Variants in ABCC4 observed in about 807,000 individuals in gnomAD.
ABCC4 encodes the protein ATP binding cassette subfamily C member 4 (PEL blood group).
A neutral mutation model predicts 168.5 loss-of-function variants in ABCC4; 102 were observed. The observed-to-expected ratio is 0.61, with a 90% confidence interval of 0.52 to 0.71. ABCC4 has a LOEUF of 0.71. Ranked by LOEUF, ABCC4 falls within the 30% of genes least tolerant of loss-of-function variation. The pLI, the probability that ABCC4 is intolerant of heterozygous loss-of-function variation, is 0.00. For synonymous variants in ABCC4, 617 were observed against 590.7 expected (o/e 1.04, Z -0.65); for missense variants, 1,402 against 1,605.8 (o/e 0.87, Z 2.17).
At chr13:95,299,099 A>T (rs867778057) in intron 1 of ABCC4, among the ~76,000 whole-genome samples, 34 of 151,218 alleles carry the variant, frequency 2.2e-4, no homozygotes, top group South Asian at 4.2e-4. Context: ...TACAAAAAAA[A>T]TTTTTTTTTA....
chr13:95,104,800 C>T (rs1415531002), intron 20 of ABCC4, among the ~76,000 whole-genome samples: 2 of 152,160 alleles, frequency 1.3e-5, no homozygotes, highest in Non-Finnish European at 2.9e-5. Context: ...AGAGGCAGCC[C>T]AGTGGCAGGC....
intron 30 of ABCC4, among the ~76,000 whole-genome samples, chr13:95,024,199 A>T (rs933980037): frequency 1.6e-5 from 2 of 124,886 alleles, no homozygotes; most frequent in African/African-American, 3.1e-5. Context: ...AGAGTGAGAG[A>T]CTGTCTCAAA....
chr13:95,078,200 C>T (rs1172089613), intron 21 of ABCC4, among the ~76,000 whole-genome samples: 3 of 152,122 alleles, frequency 2.0e-5, no homozygotes, highest in African/African-American at 4.8e-5. Context: ...TCCCACGAGT[C>T]CACAGGGTTC....
chr13:95,249,409 G>A (rs79219734), intron 1 of ABCC4, among the ~76,000 whole-genome samples: 5,232 of 152,196 alleles, frequency 0.034, 127 homozygotes, highest in Middle Eastern at 0.088. Context: ...TTCCCATGGG[G>A]AACCCACTGC....
At chr13:95,136,863 T>C (rs1234721015) in intron 19 of ABCC4, among the ~76,000 whole-genome samples, 1 of 152,252 alleles carries the variant, frequency 6.6e-6, no homozygotes. Flanking sequence ...GGCTCGCCAC[T>C]GCCAGCATGT....
intron 25 of ABCC4, among the ~76,000 whole-genome samples, chr13:95,066,416 G>A (rs541056401): frequency 1.3e-5 from 2 of 152,158 alleles, no homozygotes; most frequent in Non-Finnish European, 2.9e-5. Context: ...GGCGACAGGT[G>A]CTGTGGGCAG....
At chr13:95,185,654 C>A (rs2038034612) in intron 11 of ABCC4, among the ~76,000 whole-genome samples, 1 of 150,840 alleles carries the variant, frequency 6.6e-6, no homozygotes, top group Admixed American at 6.6e-5. Flanking sequence ...TGGGGAGAGC[C>A]CTTTAATGCC....
chr13:95,064,484 C>G (rs1436172033), intron 25 of ABCC4, among the ~76,000 whole-genome samples: 1 of 133,400 alleles, frequency 7.5e-6, no homozygotes, highest in Non-Finnish European at 1.6e-5. Context: ...CTCTCACACA[C>G]ATACACACAC....
chr13:95,293,190 T>C (rs2041445337), intron 1 of ABCC4, among the ~76,000 whole-genome samples: 3 of 151,736 alleles, frequency 2.0e-5, no homozygotes, highest in Admixed American at 1.3e-4. Flanking sequence ...AAACCCTGTC[T>C]CTAACAACAA....
rs754776606 is a variant in ABCC4, at chr13:95,291,754, A to G, written c.74+9487T>C. 2.9e-4 allele frequency among the ~76,000 whole-genome samples: 44 copies of G among 152,096 alleles called. 1 individual carries two copies. The highest frequency in any genetic ancestry group is 1.6e-3 in the Admixed American group (25 of 15,258). ...AAATTGACATAAACTTCCTGACCACATTGGCCAACATGATGAAACTCCATC... is the reference window on the plus strand; with the variant it reads ...AAATTGACATAAACTTCCTGACCACGTTGGCCAACATGATGAAACTCCATC... On this transcript the variant is annotated intron_variant, in intron 1 of 30. Transcript: ENST00000645237.
intron 4 of ABCC4, among the ~76,000 whole-genome samples, chr13:95,217,840 T>C (rs1254871909): frequency 6.6e-6 from 1 of 151,998 alleles, no homozygotes; most frequent in Non-Finnish European, 1.5e-5. Flanking sequence ...TGACCCGGGG[T>C]GGACAGGGAT....
chr13:95,064,252 G>GTATATATATATATATA (rs763934713), intron 25 of ABCC4, among the ~76,000 whole-genome samples: 1 of 118,168 alleles, frequency 8.5e-6, no homozygotes, highest in Non-Finnish European at 1.8e-5. Context: ...CCGGGTGTGT[G>GTATATATATATATATA]TGTGTGTGTA....
At chr13:95,107,756 GTATCTACCAAA>G (rs1266738741) in intron 20 of ABCC4, among the ~76,000 whole-genome samples, 1 of 152,104 alleles carries the variant, frequency 6.6e-6, no homozygotes, top group Non-Finnish European at 1.5e-5. Context: ...GTGAAACCCT[GTATCTACCAAA>G]TATCTACCAA....
intron 30 of ABCC4, among the ~76,000 whole-genome samples, chr13:95,025,788 A>G (rs1452604452): frequency 3.3e-5 from 5 of 152,212 alleles, no homozygotes; most frequent in Non-Finnish European, 7.3e-5. Flanking sequence ...AATTCATTCA[A>G]AGAAAATGCA....
chr13:95,133,248 G>A (rs2036035904), intron 19 of ABCC4, among the ~76,000 whole-genome samples: 1 of 150,982 alleles, frequency 6.6e-6, no homozygotes, highest in African/African-American at 2.4e-5. Context: ...CGAGTAGCTG[G>A]GATTACAGGC....
At chr13:95,156,684 C>T (rs1281380497) in intron 19 of ABCC4, among the ~76,000 whole-genome samples, 1 of 152,104 alleles carries the variant, frequency 6.6e-6, no homozygotes, top group Admixed American at 6.5e-5. Context: ...CCGAGGGCAG[C>T]TGAAAATGTA....
chr13:95,186,482 A>G (rs776683922), intron 11 of ABCC4, among the ~76,000 whole-genome samples: 2 of 152,212 alleles, frequency 1.3e-5, no homozygotes, highest in African/African-American at 2.4e-5. Flanking sequence ...TCACAAAACC[A>G]ACCAAACCCC....
At chr13:95,090,647 T>C (rs2034402438) in intron 20 of ABCC4, among the ~76,000 whole-genome samples, 1 of 152,124 alleles carries the variant, frequency 6.6e-6, no homozygotes, top group African/African-American at 2.4e-5. Flanking sequence ...GCTCAAGACC[T>C]TCCCTCTGAC....
At chr13:95,034,074 G>A (rs1218870169) in intron 30 of ABCC4, among the ~76,000 whole-genome samples, 1 of 152,200 alleles carries the variant, frequency 6.6e-6, no homozygotes, top group Admixed American at 6.5e-5. Context: ...TTATGTAACA[G>A]TTTTCTTTAC....
Sources: gnomAD v4.1 joint callset for allele counts (sites outside exome capture counted in the v4.1 genomes callset) on GRCh38, gnomAD v4.1.1 for gene constraint, MANE v1.5 for transcripts, NCBI Gene and HGNC (gene_info 2026-07-23, HGNC 2026-07-21) for gene names.